Variants in SYNCRIP observed in about 807,000 individuals in gnomAD.
The protein encoded by SYNCRIP is heterogeneous nuclear ribonucleoprotein Q.
Under a neutral mutation model 68.9 loss-of-function variants are expected in SYNCRIP, and 9 were observed. The ratio of observed to expected loss-of-function variants is 0.13; its 90% CI spans 0.08 to 0.23. SYNCRIP has a LOEUF of 0.23. SYNCRIP is among the 10% of genes least tolerant of loss of function. SYNCRIP has a pLI of 1.00. For synonymous variants in SYNCRIP, 258 were observed against 254.0 expected, an observed-to-expected ratio of 1.02 and a Z score of -0.15; for missense variants, 414 against 770.6, an observed-to-expected ratio of 0.54 and a Z score of 5.48.
In SYNCRIP at chr6:85,633,834, CTA is replaced by C. The variant is rs1305616997; in HGVS notation, c.666+3131_666+3132del. Among the ~76,000 whole-genome samples the C allele has an allele frequency of 2.0e-5, 3 of 152,168 alleles. No individual in the cohort carries two copies. In the East Asian group the frequency reaches 5.8e-4, roughly 30 times the overall value. Reference sequence around the variant, plus strand: ...TGTTACTTTTTGGTACAGATGGGGTCTATGTTTCCCAGGCTGGTTTCAATCAA... The same window carrying C: ...TGTTACTTTTTGGTACAGATGGGGTCTGTTTCCCAGGCTGGTTTCAATCAA... On this transcript the variant is annotated intron_variant, in intron 6 of 10. Coordinates refer to ENST00000369622, the MANE Select transcript of SYNCRIP (RefSeq NM_006372.5).
intron 2 of SYNCRIP, 113 bp from the exon 3 acceptor site, chr6:85,640,677 A>G: frequency 1.8e-6 from 1 of 553,378 alleles, no homozygotes. Flanking sequence ...TACTCCCCTC[A>G]TCTATACCTG....
At position 85,614,222 on chromosome 6, in the gene SYNCRIP, G is replaced by T. The variant is rs1805510964; in HGVS notation, c.*534C>A. On this transcript the variant is annotated 3_prime_UTR_variant, in exon 11 of 11. Transcript: ENST00000369622. ...CACAATTTTAGTAAGTATACATTTA[G>T]GTGTGAATTTTTTATTGAAATAAAC... The T allele has an allele frequency of 1.0e-6, 1 of 985,566 alleles. No homozygotes were observed. Among genetic ancestry groups the T allele is most frequent in the African/African-American group, 1.7e-5 (1 of 57,216 alleles). 61.1% of individuals were successfully genotyped at this position (985,566 alleles called of 1,614,324 possible).
chr6:85,634,718 T>C (rs955649821), intron 6 of SYNCRIP, among the ~76,000 whole-genome samples: 1 of 152,234 alleles, frequency 6.6e-6, no homozygotes, highest in South Asian at 2.1e-4. Context: ...TACTGGATCA[T>C]TCTGCATTTT....
chr6:85,637,214 CA>C, intron 5 of SYNCRIP, 28 bp downstream of exon 5: 2 of 1,608,196 alleles, frequency 1.2e-6, no homozygotes, highest in Non-Finnish European at 1.7e-6. Context: ...GCTTTTACTA[CA>C]AAAGGTACAA....
chr6:85,615,233 A>T lies in SYNCRIP; in HGVS notation c.1395T>A (p.Asp465Glu). The T allele has an allele frequency of 6.2e-7, 1 of 1,608,220 alleles. No homozygotes were observed. The highest frequency in any genetic ancestry group is 1.8e-4 in the Middle Eastern group (1 of 5,516). Residue 465 changes from aspartate to glutamate, a missense_variant, in exon 11 of 11, where the codon GAT becomes GAA. Around this residue, in one of 6 missense-constraint regions of SYNCRIP, gnomAD observed 72 missense variants for 119.8 expected, o/e 0.60. Transcript: ENST00000369622. ...AATCATAACCATAATAATCATAATA[A>T]TCTTCATATCCATAATAATCTGGAG... is the stretch of plus-strand genomic sequence containing the variant. Reference protein sequence around the residue: ...GYPPDYYGYEDYYDYYGYDYH... With the variant: ...GYPPDYYGYEEYYDYYGYDYH...
intron 7 of SYNCRIP, among the ~76,000 whole-genome samples, chr6:85,623,242 ATTT>A (rs767580411): frequency 1.3e-5 from 2 of 152,008 alleles, no homozygotes; most frequent in South Asian, 2.1e-4. Flanking sequence ...AGTTCAAAAA[ATTT>A]TTTTACCATG....
At chr6:85,623,855 A>G (rs929428808) in intron 7 of SYNCRIP, 122 bp downstream of exon 7, 2 of 1,247,586 alleles carry the variant, frequency 1.6e-6, no homozygotes, top group African/African-American at 1.5e-5. Context: ...CTACACTTCA[A>G]AAGTTGTAGT....
chr6:85,643,580 C>G (rs1200142688), upstream of SYNCRIP, among the ~76,000 whole-genome samples: 3 of 150,006 alleles, frequency 2.0e-5, no homozygotes, highest in Non-Finnish European at 4.4e-5. Flanking sequence ...TTTCCTTTGT[C>G]AGGAGACTGG....
At chr6:85,639,706 CA>C (rs199874619) in intron 4 of SYNCRIP, among the ~76,000 whole-genome samples, 5 of 150,102 alleles carry the variant, frequency 3.3e-5, no homozygotes, top group African/African-American at 7.3e-5. Context: ...GATTTTAAAC[CA>C]AAAAAAAAGC....
At chr6:85,611,178 G>GT (rs1245977854), downstream of SYNCRIP, 1 of 151,984 alleles carries the variant, frequency 6.6e-6, no homozygotes, top group African/African-American at 2.4e-5. Flanking sequence ...CTAAAATTAT[G>GT]TAAGTACAAA....
downstream of SYNCRIP, among the ~76,000 whole-genome samples, chr6:85,613,495 T>C (rs927391706): frequency 3.3e-5 from 5 of 152,200 alleles, no homozygotes; most frequent in African/African-American, 1.2e-4. Flanking sequence ...ACCTAGAGTC[T>C]GTCCCCCAAA....
At chr6:85,625,286 G>A (rs1426770065) in intron 6 of SYNCRIP, among the ~76,000 whole-genome samples, 1 of 151,808 alleles carries the variant, frequency 6.6e-6, no homozygotes, top group African/African-American at 2.4e-5. Context: ...ATTTATGCCA[G>A]AGACACAACA....
intron 6 of SYNCRIP, among the ~76,000 whole-genome samples, chr6:85,632,679 T>C (rs2128296077): frequency 6.6e-6 from 1 of 152,272 alleles, no homozygotes; most frequent in South Asian, 2.1e-4. Flanking sequence ...CAGTGGCTCA[T>C]GCCTGTAATC....
chr6:85,615,376 T>A, intron 10 of SYNCRIP, 29 bp from the exon 11 acceptor site: 2 of 1,392,064 alleles, frequency 1.4e-6, no homozygotes, highest in South Asian at 3.3e-5. Context: ...AGATTAGAGT[T>A]TAAATCAAAT....
intron 6 of SYNCRIP, among the ~76,000 whole-genome samples, chr6:85,632,041 G>A (rs538508910): frequency 6.6e-6 from 1 of 152,128 alleles, no homozygotes; most frequent in Non-Finnish European, 1.5e-5. Flanking sequence ...GGTAGATGTT[G>A]GCTAGAATCA....
chr6:85,625,858 G>T (rs958446105), intron 6 of SYNCRIP, among the ~76,000 whole-genome samples: 1 of 152,184 alleles, frequency 6.6e-6, no homozygotes, highest in Non-Finnish European at 1.5e-5. Context: ...CAGACCAACA[G>T]TTCTCAACAG....
downstream of SYNCRIP, chr6:85,613,971 T>TA: frequency 1.0e-6 from 1 of 982,820 alleles, no homozygotes; most frequent in Non-Finnish European, 1.2e-6. Flanking sequence ...CTTACCAACT[T>TA]AAACTTACTA....
At chr6:85,633,188 A>T (rs544987014) in intron 6 of SYNCRIP, among the ~76,000 whole-genome samples, 4 of 151,754 alleles carry the variant, frequency 2.6e-5, no homozygotes, top group African/African-American at 2.4e-5. Flanking sequence ...CCCGGGAGGC[A>T]GAGCTTGCAG....
chr6:85,640,709 C>T (rs1809031513), intron 2 of SYNCRIP, 145 bp from the exon 3 acceptor site: 3 of 545,010 alleles, frequency 5.5e-6, no homozygotes, highest in Non-Finnish European at 9.6e-6. Context: ...ACACACACTT[C>T]AGCCACTCTG....
Sources: allele counts gnomAD v4.1 joint callset (sites outside exome capture counted in the v4.1 genomes callset), GRCh38; gene constraint gnomAD v4.1.1; regional missense constraint gnomAD v4.1.1; transcripts MANE v1.5; gene names NCBI Gene and HGNC (gene_info 2026-07-23, HGNC 2026-07-21).